NAXD: variants seen among roughly 807,000 people sequenced by gnomAD.
The protein encoded by NAXD is ATP-dependent (S)-NAD(P)H-hydrate dehydratase.
In NAXD, 22 loss-of-function variants were observed where a neutral mutation model predicts 35.8. The ratio of observed to expected loss-of-function variants is 0.62; its 90% CI spans 0.44 to 0.88. The LOEUF is 0.88. NAXD is among the 40% of genes least tolerant of loss of function. NAXD has a pLI of 0.00. For synonymous variants in NAXD, 189 were observed against 177.6 expected (o/e 1.06, Z -0.51); for missense variants, 428 against 437.7 (o/e 0.98, Z 0.20).
At chr13:110,622,460 G>T in intron 2 of NAXD, 94 bp downstream of exon 2, 1 of 1,304,538 alleles carries the variant, frequency 7.7e-7, no homozygotes, top group African/African-American at 1.5e-5. Context: ...TTTGACCTCA[G>T]TAATCATTTC....
At chr13:110,634,445 C>A in intron 5 of NAXD, 100 bp from the exon 6 acceptor site, 1 of 1,260,454 alleles carries the variant, frequency 7.9e-7, no homozygotes, top group Non-Finnish European at 1.2e-6. Flanking sequence ...CTCCCAGGAC[C>A]CTTCCCTTGG....
chr13:110,615,825 G>A, intron 1 of NAXD, 178 bp downstream of exon 1: 1 of 1,285,260 alleles, frequency 7.8e-7, no homozygotes, highest in Non-Finnish European at 9.9e-7. Context: ...AAGCGCCGCC[G>A]AGGGGCAGCC....
At chr13:110,615,477 A>G (rs1250617073), upstream of NAXD, 2 of 877,214 alleles carry the variant, frequency 2.3e-6, no homozygotes, top group South Asian at 2.3e-5. Flanking sequence ...ACCGGGTGTG[A>G]TTGAGCGAGT....
At chr13:110,615,984 C>A (rs1267350234) in intron 1 of NAXD, 3 of 409,480 alleles carry the variant, frequency 7.3e-6, no homozygotes, top group Non-Finnish European at 1.3e-5. Context: ...TGGCGCCGGG[C>A]CGGAGCCAGT....
chr13:110,627,305 C>T (rs1487077092), intron 4 of NAXD, 134 bp from the exon 5 acceptor site: 1 of 663,126 alleles, frequency 1.5e-6, no homozygotes, highest in Admixed American at 2.8e-5. Context: ...AATAATAAAT[C>T]TAAATTACAG....
intron 6 of NAXD, 26 bp downstream of exon 6, chr13:110,634,621 T>G: frequency 1.2e-6 from 2 of 1,614,152 alleles, no homozygotes; most frequent in Non-Finnish European, 1.7e-6. Flanking sequence ...TCCTCCTGGC[T>G]CGGACTCCCG....
chr13:110,634,246 G>A (rs1168076153), intron 5 of NAXD, among the ~76,000 whole-genome samples: 2 of 152,186 alleles, frequency 1.3e-5, no homozygotes, highest in African/African-American at 4.8e-5. Context: ...TGCTGTAGCC[G>A]TACCACAGAC....
chr13:110,637,777 G>A lies in NAXD; in HGVS notation c.839+528G>A, dbSNP rs1289436150. The A allele has an allele frequency of 6.5e-6, 3 of 462,992 alleles. No homozygotes were observed. The Admixed American group carries it at 7.0e-5, about 11-fold the overall frequency. 28.7% of individuals were successfully genotyped at this position (462,992 alleles called of 1,614,324 possible). A position where few individuals can be genotyped will look rare whatever the true frequency, so the allele number is the denominator to read the frequency against. ...GCCCATCAAGGTGGTGGCTGCAGGT[G>A]CTAGGTGTGGCAGACCCGGGCTTCT... On this transcript the variant is annotated intron_variant, in intron 9 of 9. Transcript: ENST00000680254.
At chr13:110,632,932 C>T (rs938169590) in intron 5 of NAXD, among the ~76,000 whole-genome samples, 5 of 152,324 alleles carry the variant, frequency 3.3e-5, no homozygotes, top group African/African-American at 9.6e-5. Context: ...AGACTCTCCA[C>T]ATCCCCACCA....
chr13:110,629,569 G>A (rs560782733), intron 5 of NAXD, among the ~76,000 whole-genome samples: 1 of 152,278 alleles, frequency 6.6e-6, no homozygotes, highest in South Asian at 2.1e-4. Flanking sequence ...ATTATGCAAC[G>A]TGTGCTATTT....
intron 1 of NAXD, chr13:110,616,017 C>G (rs1433075115): frequency 5.2e-6 from 2 of 384,646 alleles, no homozygotes; most frequent in Non-Finnish European, 9.1e-6. Flanking sequence ...AGCGGCGGAG[C>G]CCGCGCGGTG....
At chr13:110,621,354 A>G (rs1165708445) in intron 1 of NAXD, among the ~76,000 whole-genome samples, 7 of 152,252 alleles carry the variant, frequency 4.6e-5, no homozygotes, top group Admixed American at 2.0e-4. Flanking sequence ...GGAAAATTAA[A>G]TGGTCTTCCA....
chr13:110,632,268 G>A lies in NAXD; in HGVS notation c.442-2277G>A, dbSNP rs541426222. On this transcript the variant is annotated intron_variant, in intron 5 of 9. Coordinates refer to ENST00000680254, the MANE Select transcript of NAXD (RefSeq NM_001242882.2). The stretch of plus-strand genomic sequence containing the variant: ...TTCCTCCCGGTGGGCTCGTGGTCTC[G>A]CTGGCTTCAGGAGTGAAGCTGCAGA... 5.4e-4 allele frequency among the ~76,000 whole-genome samples: 82 copies of A among 152,136 alleles called. 1 individual carries two copies. The highest frequency in any genetic ancestry group is 2.6e-4 in the Non-Finnish European group (18 of 68,010).
At chr13:110,625,094 C>G in intron 3 of NAXD, 96 bp from the exon 4 acceptor site, 1 of 896,002 alleles carries the variant, frequency 1.1e-6, no homozygotes, top group South Asian at 1.4e-5. Context: ...ATGCACGTCA[C>G]CAGGGCTGAG....
intron 5 of NAXD, among the ~76,000 whole-genome samples, chr13:110,632,653 C>A (rs928828806): frequency 1.3e-5 from 2 of 152,154 alleles, no homozygotes. Flanking sequence ...TCGATAGGTG[C>A]ACTCACAAAC....
Position 110,634,761 on chromosome 13 carries a change from A to G in NAXD, c.582A>G (p.Arg194=), listed in dbSNP as rs1408317910. 5.6e-6 allele frequency: 9 copies of G among 1,613,362 alleles called. No homozygotes were observed. Among genetic ancestry groups the G allele is most frequent in the Non-Finnish European group, 6.8e-6 (8 of 1,179,530 alleles). Residue 194 remains arginine (R), a synonymous_variant, in exon 7 of 10, where the codon AGA becomes AGG. Coordinates refer to ENST00000680254, the MANE Select transcript of NAXD (RefSeq NM_001242882.2). ...CTCCCAACCACGTGGAGTTCAGCAG[A>G]CTGTATGACGCTGTGGTGAGTCAGT... The part of the protein sequence containing the change: ...VLTPNHVEFS[R]LYDAVLRGPM...
upstream of NAXD, chr13:110,615,502 C>G (rs1300713757): frequency 2.5e-6 from 3 of 1,181,058 alleles, no homozygotes; most frequent in South Asian, 2.0e-5. Context: ...ATCCCACTGC[C>G]GACAGCCGCG....
chr13:110,620,376 T>A (rs1886214673), intron 1 of NAXD, among the ~76,000 whole-genome samples: 1 of 151,602 alleles, frequency 6.6e-6, no homozygotes, highest in African/African-American at 2.4e-5. Flanking sequence ...GGTCAGGAGA[T>A]CGAGACCACC....
At position 110,628,737 on chromosome 13, in the gene NAXD, A is replaced by G. The variant is rs1055533747; in HGVS notation, c.441+1190A>G. Among the ~76,000 whole-genome samples, 5 of 151,700 alleles carry G rather than the reference A, an allele frequency of 3.3e-5. No homozygotes were observed. The highest frequency in any genetic ancestry group is 2.9e-5 in the Non-Finnish European group (2 of 67,974). ...TTTAGGAGCAGTAGAACCCTCTGTCATCCCCGGGGAGAGGCTCTCAATGGG... is the reference window on the plus strand; with the variant it reads ...TTTAGGAGCAGTAGAACCCTCTGTCGTCCCCGGGGAGAGGCTCTCAATGGG... On this transcript the variant is annotated intron_variant, in intron 5 of 9. Transcript: ENST00000680254. The surrounding 1 kb of genome is among the most constrained non-coding windows in gnomAD (Gnocchi z 4.1).
Sources: gnomAD v4.1 joint callset for allele counts (sites outside exome capture counted in the v4.1 genomes callset) on GRCh38, gnomAD v4.1.1 for gene constraint, Gnocchi (gnomAD v3.1) non-coding constraint, MANE v1.5 for transcripts, NCBI Gene and HGNC (gene_info 2026-07-23, HGNC 2026-07-21) for gene names.